Variants in ZNF280D observed in about 807,000 individuals in gnomAD.
ZNF280D encodes zinc finger protein 280D.
ZNF280D carries 39 observed loss-of-function variants against 94.7 expected under a neutral mutation model. That is an observed-to-expected ratio of 0.41 (90% CI 0.32 to 0.54). The LOEUF (loss-of-function observed/expected upper bound fraction) is 0.54. Among genes scored for constraint, ZNF280D ranks in the 20% least tolerant of loss-of-function variants. The pLI, the probability that ZNF280D is intolerant of heterozygous loss-of-function variation, is 0.22. For synonymous variants in ZNF280D, 398 were observed against 377.6 expected, an observed-to-expected ratio of 1.05 and a Z score of -0.63; for missense variants, 1,090 against 1,149.3, an observed-to-expected ratio of 0.95 and a Z score of 0.75.
chr15:56,681,482 A>G (rs752631196), intron 10 of ZNF280D, among the ~76,000 whole-genome samples: 15 of 152,308 alleles, frequency 9.8e-5, no homozygotes, highest in Non-Finnish European at 1.8e-4. Context: ...CAAGGGTCCA[A>G]TGTGAAATTT....
At chr15:56,723,830 A>C (rs1453746747) in intron 1 of ZNF280D, among the ~76,000 whole-genome samples, 1 of 144,794 alleles carries the variant, frequency 6.9e-6, no homozygotes, top group Non-Finnish European at 1.5e-5. Flanking sequence ...GGTAATGATT[A>C]AACCCATCAT....
chr15:56,697,517 C>G (rs936695649), intron 6 of ZNF280D, among the ~76,000 whole-genome samples: 1 of 152,142 alleles, frequency 6.6e-6, no homozygotes, highest in Non-Finnish European at 1.5e-5. Flanking sequence ...TTAGAAATAG[C>G]CTGTAGAACC....
chr15:56,654,660 G>C (rs1330552185), intron 17 of ZNF280D, 157 bp from the exon 18 acceptor site: 2 of 673,474 alleles, frequency 3.0e-6, no homozygotes, highest in Non-Finnish European at 2.6e-6. Flanking sequence ...ATTATTCTCT[G>C]GTAAATGACA....
intron 12 of ZNF280D, 48 bp downstream of exon 12, chr15:56,677,526 A>G: frequency 7.1e-7 from 1 of 1,402,198 alleles, no homozygotes; most frequent in Non-Finnish European, 1.0e-6. Context: ...TATAACCAAA[A>G]CAACAAACAA....
chr15:56,715,512 T>C lies in ZNF280D; in HGVS notation c.-85-8206A>G, dbSNP rs369204318. ...CTAAGGGCAATATTTATAGCAATGA[T>C]TTGAATAAAAGCTATACTGTGTGCA... On this transcript the variant is annotated intron_variant, in intron 1 of 21. Coordinates refer to ENST00000267807, the MANE Select transcript of ZNF280D (RefSeq NM_017661.4). Among the ~76,000 whole-genome samples, 9 of 152,238 alleles carry C rather than the reference T, an allele frequency of 5.9e-5. No homozygotes were observed. The East Asian group carries it at 1.5e-3, about 26-fold the overall frequency.
At chr15:56,692,956 T>C in intron 7 of ZNF280D, 142 bp downstream of exon 7, 1 of 496,054 alleles carries the variant, frequency 2.0e-6, no homozygotes. Context: ...ACATAAGGTA[T>C]TCAAGTACTA....
rs71113011 is a variant in ZNF280D, at chr15:56,636,485, A to ATTT, written c.2260-1238_2260-1236dup. Among the ~76,000 whole-genome samples, 244 of 130,198 alleles carry ATTT rather than the reference A, an allele frequency of 1.9e-3. 7 individuals carry two copies. The highest frequency in any genetic ancestry group is 6.6e-3 in the African/African-American group (229 of 34,668). 85.4% of individuals were successfully genotyped at this position (130,198 alleles called of 152,430 possible). ...CTAAAACTTAACTTCCTTCCTTCCT[A>ATTT]TTTTTTTTTTTTTTTTTTGACAGAG... On this transcript the variant is annotated intron_variant, in intron 20 of 21. Transcript: ENST00000267807.
chr15:56,653,392 A>G, intron 19 of ZNF280D: 3 of 1,315,738 alleles, frequency 2.3e-6, no homozygotes, highest in South Asian at 4.5e-5. Context: ...CTGGCCAAAC[A>G]ACATCAGCCT....
chr15:56,698,064 T>G (rs562105451), intron 6 of ZNF280D: 1 of 152,336 alleles, frequency 6.6e-6, no homozygotes, highest in East Asian at 1.9e-4. Flanking sequence ...GTGGATATAC[T>G]ACTTTGATAC....
intron 19 of ZNF280D, chr15:56,653,873 C>A: frequency 8.1e-7 from 1 of 1,234,068 alleles, no homozygotes; most frequent in African/African-American, 1.6e-5. Context: ...CAACCTGACA[C>A]AAAGATAAGG....
chr15:56,643,288 T>C (rs1455213712), intron 19 of ZNF280D: 5 of 212,990 alleles, frequency 2.3e-5, no homozygotes, highest in Middle Eastern at 1.6e-3. Flanking sequence ...CAATTTAAAA[T>C]AAAAGACATA....
chr15:56,640,614 T>C (rs2052582479), intron 20 of ZNF280D, among the ~76,000 whole-genome samples: 4 of 152,138 alleles, frequency 2.6e-5, no homozygotes, highest in Admixed American at 6.6e-5. Flanking sequence ...ATCTAATTCT[T>C]TTCTTATTTT....
intron 3 of ZNF280D, 71 bp from the exon 4 acceptor site, chr15:56,704,338 G>C (rs193274538): frequency 7.1e-7 from 1 of 1,400,944 alleles, no homozygotes; most frequent in East Asian, 2.5e-5. Flanking sequence ...GTAATACATA[G>C]CATTAATTTT....
rs570042950 is a variant in ZNF280D, at chr15:56,697,906, G to C, written c.381+3027C>G. On this transcript the variant is annotated intron_variant, in intron 6 of 21. Coordinates refer to ENST00000267807, the MANE Select transcript of ZNF280D (RefSeq NM_017661.4). Reference sequence around the variant, plus strand: ...TCTTTGCAAAGCTCTTAAATATCTAGCTTAATCAAAAATTGTTTTAGTCTC... The same window carrying C: ...TCTTTGCAAAGCTCTTAAATATCTACCTTAATCAAAAATTGTTTTAGTCTC... The C allele has an allele frequency of 5.9e-5, 9 of 152,212 alleles. No homozygotes were observed. In the East Asian group the frequency reaches 7.7e-4, roughly 13 times the overall value. 9.4% of individuals were successfully genotyped at this position (152,212 alleles called of 1,614,324 possible).
At position 56,668,905 on chromosome 15, in the gene ZNF280D, T is replaced by C. The variant is rs1478237951; in HGVS notation, c.1463A>G (p.Lys488Arg). 6.2e-7 allele frequency: 1 copy of C among 1,612,456 alleles called. No individual in the cohort carries two copies. The highest frequency in any genetic ancestry group is 8.5e-7 in the Non-Finnish European group (1 of 1,179,146). The stretch of plus-strand genomic sequence containing the variant: ...TTGAGTCTTATGATCCATTTTCTCC[T>C]TGCATGTCAAAAACTGCAGCCTGCA... ...TKCRLQFLTC[K>R]EKMDHKTQHH... The change falls in exon 14 of 22, where the codon AAG becomes AGG. Residue 488 changes from lysine (K) to arginine (R), a missense_variant. Coordinates refer to ENST00000267807, the MANE Select transcript of ZNF280D (RefSeq NM_017661.4).
intron 6 of ZNF280D, among the ~76,000 whole-genome samples, chr15:56,696,528 G>A (rs1437771860): frequency 6.6e-6 from 1 of 152,140 alleles, no homozygotes; most frequent in East Asian, 1.9e-4. Flanking sequence ...ATGCACTTAA[G>A]CTATATCACA....
chr15:56,707,089 T>C lies in ZNF280D; in HGVS notation c.21A>G (p.Gln7=). The C allele has an allele frequency of 1.2e-6, 2 of 1,613,966 alleles. No individual in the cohort carries two copies. The highest frequency in any genetic ancestry group is 1.7e-6 in the Non-Finnish European group (2 of 1,179,924). The part of the protein sequence containing the change: MGDNPF[Q]PKSNSKMAEL... ...TGTGGCAGCAACACTTACTTTTTGG[T>C]TGAAAAGGGTTGTCGCCCATCAAGC... The change falls in exon 3 of 22, where the codon CAA becomes CAG. Residue 7 remains glutamine (Q), a synonymous_variant. Transcript: ENST00000267807.
At chr15:56,707,002 C>T (rs1176262725) in intron 3 of ZNF280D, 80 bp downstream of exon 3, 5 of 1,409,110 alleles carry the variant, frequency 3.5e-6, no homozygotes, top group Middle Eastern at 3.7e-4. Context: ...AAAAATGTCT[C>T]CCAACTTTCA....
At chr15:56,714,672 T>A (rs952318680) in intron 1 of ZNF280D, among the ~76,000 whole-genome samples, 3 of 152,104 alleles carry the variant, frequency 2.0e-5, no homozygotes, top group Admixed American at 2.0e-4. Flanking sequence ...TCCTAACTTA[T>A]ACAAAAAACT....
Sources: gnomAD v4.1 joint callset for allele counts (sites outside exome capture counted in the v4.1 genomes callset) on GRCh38, gnomAD v4.1.1 for gene constraint, MANE v1.5 for transcripts, NCBI Gene and HGNC (gene_info 2026-07-23, HGNC 2026-07-21) for gene names.